XKR4: variants seen among roughly 807,000 people sequenced by gnomAD.
XKR4 encodes the protein XK-related protein 4.
In XKR4, 12 loss-of-function variants were observed where a neutral mutation model predicts 53.9. That is an observed-to-expected ratio of 0.22 (90% CI 0.14 to 0.36). The LOEUF (loss-of-function observed/expected upper bound fraction) is 0.36, where lower values mean the gene tolerates loss of function less well. XKR4 is among the 10% of genes least tolerant of loss of function. The pLI is 1.00. For missense variants in XKR4, 799 were observed against 859.5 expected, an observed-to-expected ratio of 0.93 and a Z score of 0.88; for synonymous variants, 354 against 362.4, an observed-to-expected ratio of 0.98 and a Z score of 0.26.
chr8:55,331,176 C>T (rs1302453475), intron 1 of XKR4, among the ~76,000 whole-genome samples: 1 of 152,088 alleles, frequency 6.6e-6, no homozygotes. Flanking sequence ...CCTGAAGATA[C>T]TTTCTAATTT....
intron 1 of XKR4, among the ~76,000 whole-genome samples, chr8:55,219,171 G>A (rs1817847110): frequency 6.6e-6 from 1 of 152,212 alleles, no homozygotes. Flanking sequence ...GTAATTACAG[G>A]AAATGGCAGT....
chr8:55,403,335 C>G (rs1314622436), intron 2 of XKR4, among the ~76,000 whole-genome samples: 2 of 152,144 alleles, frequency 1.3e-5, no homozygotes, highest in African/African-American at 4.8e-5. Flanking sequence ...AATAGTTTTC[C>G]TAACATTTTA....
chr8:55,383,215 A>G (rs1229537705), intron 2 of XKR4, among the ~76,000 whole-genome samples: 2 of 152,254 alleles, frequency 1.3e-5, no homozygotes, highest in African/African-American at 4.8e-5. Flanking sequence ...TCCGTCTCAA[A>G]AAATAACAAT....
At chr8:55,371,591 C>G (rs955455020) in intron 2 of XKR4, among the ~76,000 whole-genome samples, 4 of 152,198 alleles carry the variant, frequency 2.6e-5, no homozygotes, top group Admixed American at 2.6e-4. Context: ...ATTTTAAAGA[C>G]TCATCACCAA....
At chr8:55,172,984 A>C (rs1817183132) in intron 1 of XKR4, among the ~76,000 whole-genome samples, 1 of 152,222 alleles carries the variant, frequency 6.6e-6, no homozygotes, top group Non-Finnish European at 1.5e-5. Context: ...TCATGGTAGC[A>C]GGGAAAAATG....
chr8:55,325,007 C>CTTGACAG (rs1207111644), intron 1 of XKR4, among the ~76,000 whole-genome samples: 1 of 152,096 alleles, frequency 6.6e-6, no homozygotes, highest in Non-Finnish European at 1.5e-5. Flanking sequence ...ATTAAGGATC[C>CTTGACAG]TTGACAGTCA....
At chr8:55,123,720 C>A (rs1465846444) in intron 1 of XKR4, among the ~76,000 whole-genome samples, 1 of 152,200 alleles carries the variant, frequency 6.6e-6, no homozygotes, top group Non-Finnish European at 1.5e-5. Context: ...TATGTAATAT[C>A]CTCCTGCTGT....
At chr8:55,314,690 GAA>G (rs1372233974) in intron 1 of XKR4, among the ~76,000 whole-genome samples, 2 of 152,208 alleles carry the variant, frequency 1.3e-5, no homozygotes, top group Non-Finnish European at 2.9e-5. Context: ...AAGAGAGAAA[GAA>G]TGCGTGTGCA....
At chr8:55,279,664 A>G (rs1007742368) in intron 1 of XKR4, among the ~76,000 whole-genome samples, 47 of 152,276 alleles carry the variant, frequency 3.1e-4, no homozygotes, top group Middle Eastern at 3.4e-3. Flanking sequence ...ACCTCTTCCA[A>G]TGCTCGTAGA....
At chr8:55,443,882 C>G (rs1039462586) in intron 2 of XKR4, among the ~76,000 whole-genome samples, 1 of 146,292 alleles carries the variant, frequency 6.8e-6, no homozygotes, top group Non-Finnish European at 1.5e-5. Flanking sequence ...AAGAAAAAAT[C>G]AAAATGGGCC....
chr8:55,435,150 C>T (rs1805156116), intron 2 of XKR4, among the ~76,000 whole-genome samples: 1 of 152,208 alleles, frequency 6.6e-6, no homozygotes, highest in Non-Finnish European at 1.5e-5. Flanking sequence ...TTTGTGTCAG[C>T]TGCTCAGGGC....
chr8:55,329,348 TA>T (rs1803348904), intron 1 of XKR4, among the ~76,000 whole-genome samples: 1 of 152,054 alleles, frequency 6.6e-6, no homozygotes, highest in Non-Finnish European at 1.5e-5. Flanking sequence ...CACAAATTCG[TA>T]AACTTTCTTC....
intron 1 of XKR4, among the ~76,000 whole-genome samples, chr8:55,239,777 C>A (rs542536554): frequency 3.2e-4 from 49 of 152,306 alleles, no homozygotes; most frequent in Middle Eastern, 6.8e-3. Context: ...AATTATTCAA[C>A]CCAAATTCCC....
chr8:55,422,168 A>G (rs1804944879), intron 2 of XKR4, among the ~76,000 whole-genome samples: 1 of 152,236 alleles, frequency 6.6e-6, no homozygotes, highest in South Asian at 2.1e-4. Flanking sequence ...ATTGGCAGTG[A>G]AAAAACATTA....
chr8:55,174,622 C>T (rs1381627933), intron 1 of XKR4, among the ~76,000 whole-genome samples: 1 of 152,028 alleles, frequency 6.6e-6, no homozygotes, highest in Non-Finnish European at 1.5e-5. Context: ...CTGAATGGCT[C>T]TTTGTTGTAA....
intron 2 of XKR4, among the ~76,000 whole-genome samples, chr8:55,465,970 TAA>T (rs1715353606): frequency 1.3e-5 from 2 of 152,022 alleles, no homozygotes; most frequent in South Asian, 4.1e-4. Flanking sequence ...TGGTGATCAT[TAA>T]AAAGTCAGGA....
chr8:55,453,082 G>A, intron 2 of XKR4: 1 of 572,500 alleles, frequency 1.7e-6, no homozygotes, highest in South Asian at 1.5e-5. Context: ...ATCCTCGGTG[G>A]GCTCCAGGTA....
Position 55,440,034 on chromosome 8 carries a change from A to G in XKR4, c.1006+82157A>G, listed in dbSNP as rs556439051. 1.3e-4 allele frequency among the ~76,000 whole-genome samples: 20 copies of G among 152,360 alleles called. No individual in the cohort carries two copies. The East Asian group carries it at 3.7e-3, about 28-fold the overall frequency. ...CAAAGAAATGAGTTTTGTTACTAAC[A>G]GCTAGGCTCTCAAGAACAGAAATGG... On this transcript the variant is annotated intron_variant, in intron 2 of 2. Transcript: ENST00000327381.
intron 1 of XKR4, among the ~76,000 whole-genome samples, chr8:55,233,669 G>A (rs561590152): frequency 3.3e-5 from 5 of 152,352 alleles, no homozygotes; most frequent in African/African-American, 7.2e-5. Context: ...CCCAAAGTAT[G>A]CAAATGCCTG....
Sources: gnomAD v4.1 joint callset for allele counts (sites outside exome capture counted in the v4.1 genomes callset) on GRCh38, gnomAD v4.1.1 for gene constraint, MANE v1.5 for transcripts, NCBI Gene and HGNC (gene_info 2026-07-23, HGNC 2026-07-21) for gene names.